The following COBL variants were observed in gnomAD, a reference collection of about 807,000 sequenced individuals.
COBL encodes the protein cordon-bleu WH2 repeat protein.
Under a neutral mutation model 98.8 loss-of-function variants are expected in COBL, and 51 were observed. The ratio of observed to expected loss-of-function variants is 0.52; its 90% CI spans 0.41 to 0.65. COBL has a LOEUF of 0.65. COBL is among the 30% of genes least tolerant of loss of function. The pLI is 0.00. For missense variants in COBL, 1,617 were observed against 1,617.5 expected, an observed-to-expected ratio of 1.00 and a Z score of 0.01; for synonymous variants, 634 against 651.7, an observed-to-expected ratio of 0.97 and a Z score of 0.41.
intron 1 of COBL, among the ~76,000 whole-genome samples, chr7:51,234,371 C>T (rs1795035494): frequency 6.6e-6 from 1 of 152,362 alleles, no homozygotes; most frequent in South Asian, 2.1e-4. Flanking sequence ...GACCTGGCAT[C>T]GGGCTCGCCC....
At position 51,027,983 on chromosome 7, in the gene COBL, T is replaced by G. The variant is rs901070611; in HGVS notation, c.3113A>C (p.Asn1038Thr). 5 of 1,604,956 alleles carry G rather than the reference T, an allele frequency of 3.1e-6. No individual in the cohort carries two copies. The highest frequency in any genetic ancestry group is 3.4e-6 in the Non-Finnish European group (4 of 1,175,060). ...DTQACSRELV[N>T]GSVRAPGHGE... ...GTGGCCTGGGGCGCGCACAGAGCCA[T>G]TGACCAGCTCCCTGCTGCAGGCCTG... Residue 1038 changes from asparagine to threonine, a missense_variant, in exon 10 of 13, where the codon AAT (asparagine) becomes ACT (threonine). Coordinates refer to ENST00000265136, the MANE Select transcript of COBL (RefSeq NM_015198.5).
At chr7:51,061,617 G>A (rs927483543) in intron 7 of COBL, among the ~76,000 whole-genome samples, 4 of 152,180 alleles carry the variant, frequency 2.6e-5, no homozygotes, top group Admixed American at 1.3e-4. Context: ...GTGTGTCTGT[G>A]AGGCTGTTTA....
intron 5 of COBL, among the ~76,000 whole-genome samples, chr7:51,146,933 C>A (rs575171530): frequency 6.6e-6 from 1 of 152,282 alleles, no homozygotes; most frequent in Admixed American, 6.5e-5. Flanking sequence ...CTGGCAGCCC[C>A]AGGAGGGGTG....
At chr7:51,145,576 G>A (rs557567036) in intron 5 of COBL, among the ~76,000 whole-genome samples, 68 of 150,666 alleles carry the variant, frequency 4.5e-4, no homozygotes, top group Admixed American at 3.4e-3. Context: ...ATGGGGTTTC[G>A]CCATGTTGGC....
chr7:51,190,684 A>C (rs1297096699), intron 4 of COBL, among the ~76,000 whole-genome samples, 166 bp downstream of exon 4: 1 of 152,162 alleles, frequency 6.6e-6, no homozygotes, highest in Non-Finnish European at 1.5e-5. Flanking sequence ...GAATGAAAAC[A>C]GGCCAGATTT....
chr7:51,169,919 G>A (rs576125929), intron 5 of COBL, among the ~76,000 whole-genome samples: 2 of 152,026 alleles, frequency 1.3e-5, no homozygotes, highest in East Asian at 3.9e-4. Context: ...TATTTCACAT[G>A]GCATGGAGGC....
chr7:51,259,579 G>T, intron 1 of COBL: 1 of 741,080 alleles, frequency 1.3e-6, no homozygotes, highest in African/African-American at 1.7e-5. Context: ...TCCTGGAAAT[G>T]CTTCTCCAGG....
intron 7 of COBL, among the ~76,000 whole-genome samples, chr7:51,049,729 G>A (rs1013841139): frequency 2.0e-5 from 3 of 152,156 alleles, no homozygotes; most frequent in Admixed American, 6.5e-5. Flanking sequence ...GCAGAGAAAT[G>A]CCAGGCTGCA....
In COBL at chr7:51,027,978, A is replaced by C. The variant is rs547420267; in HGVS notation, c.3118T>G (p.Ser1040Ala). 3.9e-5 allele frequency: 63 copies of C among 1,605,796 alleles called. No homozygotes were observed. Among genetic ancestry groups the C allele is most frequent in the Non-Finnish European group, 5.4e-5 (63 of 1,175,474 alleles). The change falls in exon 10 of 13, where the codon TCT (serine) becomes GCT (alanine). Residue 1040 changes from serine (S) to alanine (A), a missense_variant. By Grantham distance (99) the Ser-to-Ala change is moderately conservative. Coordinates refer to ENST00000265136, the MANE Select transcript of COBL (RefSeq NM_015198.5). Reference sequence around the variant, plus strand: ...TCGCCGTGGCCTGGGGCGCGCACAGAGCCATTGACCAGCTCCCTGCTGCAG... The same window carrying C: ...TCGCCGTGGCCTGGGGCGCGCACAGCGCCATTGACCAGCTCCCTGCTGCAG... ...QACSRELVNGSVRAPGHGEPS... is the reference protein window; with the variant it reads ...QACSRELVNGAVRAPGHGEPS...
intron 1 of COBL, among the ~76,000 whole-genome samples, chr7:51,292,948 G>A (rs748119631): frequency 1.3e-5 from 2 of 152,234 alleles, no homozygotes; most frequent in Non-Finnish European, 2.9e-5. Context: ...GTGACACAAT[G>A]ACAGAATTGA....
At chr7:51,283,070 G>C (rs1478050931) in intron 1 of COBL, among the ~76,000 whole-genome samples, 1 of 152,112 alleles carries the variant, frequency 6.6e-6, no homozygotes, top group East Asian at 1.9e-4. Context: ...GTATATAAGA[G>C]AGGAAAATTC....
At chr7:51,252,680 G>C (rs756409276) in intron 1 of COBL, among the ~76,000 whole-genome samples, 3 of 152,198 alleles carry the variant, frequency 2.0e-5, no homozygotes, top group Non-Finnish European at 4.4e-5. Context: ...CATTATACAA[G>C]GGTATAATAT....
In COBL at chr7:51,305,245, C is replaced by A. The variant is rs1020785017; in HGVS notation, c.41+11348G>T. Among the ~76,000 whole-genome samples the A allele has an allele frequency of 3.9e-5, 6 of 152,316 alleles. No homozygotes were observed. The South Asian group carries it at 8.3e-4, about 21-fold the overall frequency. Reference sequence around the variant, plus strand: ...AAATGAAGTGCATCCCCTTCCTAGGCACATGGGTAAATCATGAAAGCCAGC... The same window carrying A: ...AAATGAAGTGCATCCCCTTCCTAGGAACATGGGTAAATCATGAAAGCCAGC... On this transcript the variant is annotated intron_variant, in intron 1 of 12. Coordinates refer to ENST00000265136, the MANE Select transcript of COBL (RefSeq NM_015198.5).
rs1801336542 is a variant in COBL, at chr7:51,295,430, T to TA, written c.41+21162dup. ...AAATAACGATTAAAAATACATACAT[T>TA]AAAAAACATTTTTCAAAAAAAATAC... On this transcript the variant is annotated intron_variant, in intron 1 of 12. Coordinates refer to ENST00000265136, the MANE Select transcript of COBL (RefSeq NM_015198.5). Among the ~76,000 whole-genome samples the TA allele has an allele frequency of 3.3e-5, 5 of 152,036 alleles. No individual in the cohort carries two copies. In the South Asian group the frequency reaches 1.0e-3, roughly 32 times the overall value.
intron 1 of COBL, among the ~76,000 whole-genome samples, chr7:51,307,605 G>A (rs1482691081): frequency 3.3e-5 from 5 of 152,158 alleles, no homozygotes; most frequent in African/African-American, 7.2e-5. Context: ...AAACATGATG[G>A]TAAGCAAAAA....
chr7:51,316,301 G>A (rs191580151), intron 1 of COBL: 319 of 269,246 alleles, frequency 1.2e-3, no homozygotes, highest in Admixed American at 2.7e-3. Context: ...CTGTGCTGGC[G>A]GGGACCCCCA....
At chr7:51,206,018 T>C (rs547556558) in intron 2 of COBL, among the ~76,000 whole-genome samples, 2 of 152,290 alleles carry the variant, frequency 1.3e-5, no homozygotes, top group East Asian at 3.9e-4. Context: ...ATGGCAATTT[T>C]ATCAAAAAGA....
intron 1 of COBL, among the ~76,000 whole-genome samples, chr7:51,269,929 A>T (rs953453917): frequency 6.6e-6 from 1 of 152,218 alleles, no homozygotes; most frequent in Admixed American, 6.5e-5. Context: ...TGACACAGGG[A>T]ATAACACCCC....
chr7:51,041,936 A>C (rs1454428846), intron 8 of COBL, among the ~76,000 whole-genome samples: 1 of 152,228 alleles, frequency 6.6e-6, no homozygotes. Flanking sequence ...GTGTTGGTAC[A>C]GAGATGGACA....
Sources: allele counts gnomAD v4.1 joint callset (sites outside exome capture counted in the v4.1 genomes callset), GRCh38; gene constraint gnomAD v4.1.1; transcripts MANE v1.5; gene names NCBI Gene and HGNC (gene_info 2026-07-23, HGNC 2026-07-21).